USP42: variants seen among roughly 807,000 people sequenced by gnomAD.
The protein encoded by USP42 is ubiquitin carboxyl-terminal hydrolase 42.
Under a neutral mutation model 113.0 loss-of-function variants are expected in USP42, and 23 were observed. The observed-to-expected ratio is 0.20, with a 90% CI of 0.15 to 0.29. The LOEUF (loss-of-function observed/expected upper bound fraction) is 0.29. Among genes scored for constraint, USP42 ranks in the 10% least tolerant of loss-of-function variants. The probability of loss-of-function intolerance (pLI) is 1.00; values close to 1 mark genes in which losing one functional copy is unlikely to be tolerated. For missense variants in USP42, 2,174 were observed against 1,779.8 expected (o/e 1.22, Z -3.99); for synonymous variants, 933 against 699.0 (o/e 1.33, Z -5.28).
intron 3 of USP42, among the ~76,000 whole-genome samples, chr7:6,134,858 T>C (rs1781042497): frequency 6.6e-6 from 1 of 152,148 alleles, no homozygotes; most frequent in African/African-American, 2.4e-5. Context: ...TGATCACAGC[T>C]TACTGCAGCC....
chr7:6,151,002 G>A (rs1376775242), intron 14 of USP42, among the ~76,000 whole-genome samples: 1 of 152,204 alleles, frequency 6.6e-6, no homozygotes, highest in Non-Finnish European at 1.5e-5. Context: ...TGTGTCCTGC[G>A]GCTCCTAGGC....
At chr7:6,142,870 C>G in intron 7 of USP42, 62 bp from the exon 8 acceptor site, 1 of 1,553,296 alleles carries the variant, frequency 6.4e-7, no homozygotes, top group Non-Finnish European at 8.9e-7. Context: ...GGTGGCAGGG[C>G]AAGACCCAAA....
At chr7:6,125,421 C>T (rs1219481130) in intron 3 of USP42, among the ~76,000 whole-genome samples, 1 of 150,468 alleles carries the variant, frequency 6.6e-6, no homozygotes, top group Admixed American at 6.6e-5. Flanking sequence ...ACCTTGGAAG[C>T]GGGGGTTGCA....
the USP42 span, among the ~76,000 whole-genome samples, chr7:6,083,677 T>C: frequency 3.3e-5 from 5 of 150,020 alleles, no homozygotes; most frequent in South Asian, 2.1e-4. Context: ...TATGTATATA[T>C]ACACACACAC....
chr7:6,156,694 G>T, intron 15 of USP42, 60 bp from the exon 16 acceptor site: 1 of 1,474,434 alleles, frequency 6.8e-7, no homozygotes, highest in East Asian at 2.4e-5. Context: ...CCAAGCTCCA[G>T]GGTCTGCTGC....
At chr7:6,153,047 G>A (rs1373312104) in intron 14 of USP42, 1 of 729,008 alleles carries the variant, frequency 1.4e-6, no homozygotes, top group African/African-American at 1.9e-5. Context: ...GAGGCGGGCG[G>A]ATCACCTGAG....
At chr7:6,101,299 C>T (rs1178070460), upstream of USP42, among the ~76,000 whole-genome samples, 1 of 151,026 alleles carries the variant, frequency 6.6e-6, no homozygotes, top group African/African-American at 2.5e-5. Flanking sequence ...GTCTGGAGGT[C>T]CTCAGAAAAT....
At chr7:6,140,314 T>G (rs1452063801) in intron 6 of USP42, 119 bp downstream of exon 6, 11 of 923,644 alleles carry the variant, frequency 1.2e-5, no homozygotes, top group Non-Finnish European at 1.7e-5. Context: ...CAGCCCAGAT[T>G]CTCATTCCTT....
the USP42 span, chr7:6,084,753 C>T: frequency 1.3e-5 from 2 of 149,390 alleles, no homozygotes; most frequent in South Asian, 2.1e-4. Flanking sequence ...GAGTCTCACT[C>T]TGTCACCCAG....
intron 6 of USP42, 47 bp from the exon 7 acceptor site, chr7:6,140,867 G>A (rs745605892): frequency 1.8e-5 from 19 of 1,057,122 alleles, no homozygotes; most frequent in South Asian, 1.5e-5. Flanking sequence ...TGATGTTGCT[G>A]TAATGATTAT....
intron 3 of USP42, among the ~76,000 whole-genome samples, chr7:6,134,863 G>T (rs147855443): frequency 2.0e-3 from 306 of 152,156 alleles, no homozygotes; most frequent in African/African-American, 6.7e-3. Context: ...ACAGCTTACT[G>T]CAGCCTCAGC....
chr7:6,133,708 T>C (rs1780975033), intron 3 of USP42, among the ~76,000 whole-genome samples: 1 of 151,728 alleles, frequency 6.6e-6, no homozygotes, highest in Non-Finnish European at 1.5e-5. Flanking sequence ...TTAGTAGAGA[T>C]GGGGTTTTTC....
rs1782547821 is a variant in USP42, at chr7:6,157,797, C to G, written c.3943+742C>G. ...TGCTTGAGTGACACTGCAGAGGCCT[C>G]CATGTGGCAGAGCGCTGGCTGCCCC... On this transcript the variant is annotated intron_variant, in intron 16 of 17. Transcript: ENST00000306177. The surrounding 1 kb of genome is among the most constrained non-coding windows in gnomAD (Gnocchi z 4.1). Among the ~76,000 whole-genome samples, 1 of 152,176 alleles carries G rather than the reference C, an allele frequency of 6.6e-6. No individual in the cohort carries two copies. The highest frequency in any genetic ancestry group is 6.5e-5 in the Admixed American group (1 of 15,272).
intron 3 of USP42, among the ~76,000 whole-genome samples, chr7:6,129,223 C>G (rs1175948785): frequency 2.0e-5 from 3 of 152,168 alleles, no homozygotes; most frequent in Non-Finnish European, 4.4e-5. Context: ...CATTACTTCC[C>G]TATGTCCTTT....
intron 8 of USP42, among the ~76,000 whole-genome samples, chr7:6,143,378 G>A (rs1018480424): frequency 6.6e-6 from 1 of 152,104 alleles, no homozygotes; most frequent in Non-Finnish European, 1.5e-5. Context: ...GGCTGCCGTC[G>A]GGTGGGGAGT....
At chr7:6,117,495 TGCTATGAACATTA>T (rs1437925565) in intron 3 of USP42, among the ~76,000 whole-genome samples, 2 of 152,228 alleles carry the variant, frequency 1.3e-5, no homozygotes, top group African/African-American at 4.8e-5. Context: ...CAAATTAAGC[TGCTATGAACATTA>T]GCAAACAAGC....
chr7:6,110,809 A>G (rs1466970934), intron 1 of USP42, among the ~76,000 whole-genome samples: 7 of 152,228 alleles, frequency 4.6e-5, no homozygotes, highest in African/African-American at 1.4e-4. Flanking sequence ...AACAGAACTG[A>G]GAATTGAAAT....
chr7:6,105,590 T>TC (rs1193309514), intron 1 of USP42, among the ~76,000 whole-genome samples: 1 of 149,632 alleles, frequency 6.7e-6, no homozygotes, highest in African/African-American at 2.5e-5. Context: ...GGGCGCCCCC[T>TC]CCCCAGGCCT....
rs540382144 is a variant in USP42, at chr7:6,122,800, C to T, written c.442+7277C>T. On this transcript the variant is annotated intron_variant, in intron 3 of 17. Transcript: ENST00000306177. ...TTTTTTTTAAATAGAGATAGGGTCT[C>T]ACTAAGTTGCTCAGGCTCATCTCAA... 1.8e-4 allele frequency among the ~76,000 whole-genome samples: 27 copies of T among 150,564 alleles called. 1 individual carries two copies. In the South Asian group the frequency reaches 4.2e-3, roughly 24 times the overall value.
Sources: gnomAD v4.1 joint callset for allele counts (sites outside exome capture counted in the v4.1 genomes callset) on GRCh38, gnomAD v4.1.1 for gene constraint, Gnocchi (gnomAD v3.1) non-coding constraint, MANE v1.5 for transcripts, NCBI Gene and HGNC (gene_info 2026-07-23, HGNC 2026-07-21) for gene names.